The following XRN1 variants were observed in gnomAD, a reference collection of about 807,000 sequenced individuals.
XRN1 encodes 5'-3' exoribonuclease 1, also known as strand-exchange protein 1 homolog.
Under a neutral mutation model 222.3 loss-of-function variants are expected in XRN1, and 67 were observed. That is an observed-to-expected ratio of 0.30 (90% CI 0.25 to 0.37). The LOEUF is 0.37. XRN1 is among the 10% of genes least tolerant of loss of function. The probability of loss-of-function intolerance (pLI) is 1.00; values close to 1 mark genes in which losing one functional copy is unlikely to be tolerated. For synonymous variants in XRN1, 643 were observed against 652.4 expected, an observed-to-expected ratio of 0.99 and a Z score of 0.22; for missense variants, 1,707 against 2,000.2, an observed-to-expected ratio of 0.85 and a Z score of 2.80.
At chr3:142,422,953 G>A in intron 6 of XRN1, 31 bp from the exon 7 acceptor site, 1 of 1,537,118 alleles carries the variant, frequency 6.5e-7, no homozygotes, top group South Asian at 1.2e-5. Flanking sequence ...AAGATACAGT[G>A]AATTTTATTT....
chr3:142,358,724 G>A (rs962362652), intron 30 of XRN1, among the ~76,000 whole-genome samples: 2 of 152,160 alleles, frequency 1.3e-5, no homozygotes, highest in African/African-American at 2.4e-5. Context: ...GCTGCTGTAT[G>A]TGAAGAGTGT....
chr3:142,404,660 A>T (rs1329146605), intron 16 of XRN1, among the ~76,000 whole-genome samples: 1 of 152,180 alleles, frequency 6.6e-6, no homozygotes, highest in Non-Finnish European at 1.5e-5. Context: ...AAATTCAAAC[A>T]CTTTTAATAG....
chr3:142,436,405 A>G (rs767598712), intron 1 of XRN1, among the ~76,000 whole-genome samples: 1 of 152,216 alleles, frequency 6.6e-6, no homozygotes, highest in Non-Finnish European at 1.5e-5. Context: ...TAGCATTCTA[A>G]TTTTAGAGAA....
intron 39 of XRN1, among the ~76,000 whole-genome samples, chr3:142,313,896 T>C (rs1560277927): frequency 6.6e-6 from 1 of 152,154 alleles, no homozygotes; most frequent in Non-Finnish European, 1.5e-5. Flanking sequence ...GCCAAGATCA[T>C]GTCACTGCAC....
intron 1 of XRN1, among the ~76,000 whole-genome samples, chr3:142,446,297 T>C (rs767437796): frequency 6.6e-6 from 1 of 152,258 alleles, no homozygotes; most frequent in African/African-American, 2.4e-5. Flanking sequence ...GAGAAGCTGA[T>C]AACCTTTGGT....
chr3:142,404,870 G>C (rs200557554), intron 16 of XRN1, 37 bp downstream of exon 16: 1 of 1,606,012 alleles, frequency 6.2e-7, no homozygotes, highest in Admixed American at 1.7e-5. Context: ...TGTTAGGAGC[G>C]CTCTTTTGTT....
chr3:142,339,138 A>C (rs2065920405), intron 33 of XRN1, among the ~76,000 whole-genome samples: 1 of 152,176 alleles, frequency 6.6e-6, no homozygotes, highest in South Asian at 2.1e-4. Flanking sequence ...GAGATCCAGT[A>C]CTGTGGTGGC....
intron 25 of XRN1, among the ~76,000 whole-genome samples, chr3:142,375,434 C>T (rs978201502): frequency 2.0e-5 from 3 of 152,088 alleles, no homozygotes; most frequent in Admixed American, 1.3e-4. Flanking sequence ...ACCTGTATAG[C>T]TACATAGTTC....
At chr3:142,434,418 C>T (rs192284698) in intron 1 of XRN1, among the ~76,000 whole-genome samples, 35 of 152,156 alleles carry the variant, frequency 2.3e-4, no homozygotes, top group African/African-American at 7.0e-4. Flanking sequence ...GATTTGCCTG[C>T]CCAGGCCTCC....
intron 34 of XRN1, among the ~76,000 whole-genome samples, chr3:142,333,526 T>C (rs866811036): frequency 3.9e-5 from 6 of 152,192 alleles, no homozygotes; most frequent in South Asian, 4.1e-4. Flanking sequence ...TTAATCTTCA[T>C]TAACCTCTCA....
chr3:142,387,849 C>A (rs576607063), intron 20 of XRN1, among the ~76,000 whole-genome samples: 1 of 152,052 alleles, frequency 6.6e-6, no homozygotes, highest in Non-Finnish European at 1.5e-5. Flanking sequence ...CCCATGAGAA[C>A]TGACTGTTAA....
chr3:142,444,645 T>G (rs542045447), intron 1 of XRN1, among the ~76,000 whole-genome samples: 3 of 152,150 alleles, frequency 2.0e-5, no homozygotes, highest in African/African-American at 7.2e-5. Flanking sequence ...GAATAAGACC[T>G]ACTATGTGAT....
At chr3:142,319,939 C>CACAT (rs1298465063) in intron 37 of XRN1, among the ~76,000 whole-genome samples, 1 of 152,098 alleles carries the variant, frequency 6.6e-6, no homozygotes. Context: ...CACGCACGCA[C>CACAT]ACATACCCAC....
chr3:142,431,995 T>A, intron 2 of XRN1, among the ~76,000 whole-genome samples: 1 of 82,526 alleles, frequency 1.2e-5, no homozygotes, highest in African/African-American at 7.7e-5. Context: ...TATAATATAT[T>A]GTATATATAT....
At position 142,332,359 on chromosome 3, in the gene XRN1, T is replaced by A. The variant is rs866205902; in HGVS notation, c.4222+16A>T. ...TTTAAAATGATATTATTGGTAATAGTATTTAGTTTACTTACCTAATTTCTT... is the reference window on the plus strand; with the variant it reads ...TTTAAAATGATATTATTGGTAATAGAATTTAGTTTACTTACCTAATTTCTT... On this transcript the variant is annotated intron_variant, in intron 36 of 40. Coordinates refer to ENST00000392981, the MANE Select transcript of XRN1 (RefSeq NM_001282857.2). 7 of 1,530,650 alleles carry A rather than the reference T, an allele frequency of 4.6e-6. No individual in the cohort carries two copies. The Middle Eastern group carries it at 1.4e-3, about 307-fold the overall frequency. The allele number at this position is 1,530,650 out of a possible 1,614,324, so 94.8% of individuals were successfully genotyped here. A position where few individuals can be genotyped will look rare whatever the true frequency, so the allele number is the denominator to read the frequency against.
chr3:142,348,043 T>C (rs1437979784), intron 32 of XRN1, among the ~76,000 whole-genome samples: 1 of 152,118 alleles, frequency 6.6e-6, no homozygotes, highest in Non-Finnish European at 1.5e-5. Context: ...TAGATTTGCT[T>C]CAAAATAATC....
chr3:142,389,651 C>A (rs1252988767), intron 20 of XRN1, among the ~76,000 whole-genome samples: 1 of 152,162 alleles, frequency 6.6e-6, no homozygotes, highest in Non-Finnish European at 1.5e-5. Context: ...TCCCAAGTAG[C>A]TGGGATTACA....
chr3:142,356,882 AGAG>A (rs2066479841), intron 31 of XRN1, 27 bp downstream of exon 31: 1 of 1,588,408 alleles, frequency 6.3e-7, no homozygotes, highest in Non-Finnish European at 8.6e-7. Flanking sequence ...TAAAAGGGGT[AGAG>A]GAGAAGTTAA....
intron 27 of XRN1, among the ~76,000 whole-genome samples, chr3:142,369,519 G>C (rs534363901): frequency 4.6e-5 from 7 of 151,672 alleles, no homozygotes; most frequent in African/African-American, 1.7e-4. Context: ...GAGGTGGCAG[G>C]TACCTGTAAT....
Sources: allele counts gnomAD v4.1 joint callset (sites outside exome capture counted in the v4.1 genomes callset), GRCh38; gene constraint gnomAD v4.1.1; transcripts MANE v1.5; gene names NCBI Gene and HGNC (gene_info 2026-07-23, HGNC 2026-07-21).